OXR1: variants seen among roughly 807,000 people sequenced by gnomAD.
OXR1 encodes oxidation resistance 1, also known as oxidation resistance protein 1.
Under a neutral mutation model 104.6 loss-of-function variants are expected in OXR1, and 41 were observed. The observed-to-expected ratio is 0.39, with a 90% CI of 0.31 to 0.51. The LOEUF is 0.51. Ranked by LOEUF, OXR1 falls within the 20% of genes least tolerant of loss-of-function variation. The probability of loss-of-function intolerance (pLI) is 0.77; values close to 1 mark genes in which losing one functional copy is unlikely to be tolerated. For missense variants in OXR1, 955 were observed against 1,031.9 expected, an observed-to-expected ratio of 0.93 and a Z score of 1.02; for synonymous variants, 348 against 348.4, an observed-to-expected ratio of 1.00 and a Z score of 0.01.
At chr8:106,626,790 T>C (rs569927817) in intron 3 of OXR1, among the ~76,000 whole-genome samples, 6 of 151,274 alleles carry the variant, frequency 4.0e-5, no homozygotes, top group Non-Finnish European at 8.9e-5. Flanking sequence ...GTGGTTATTA[T>C]TCACTAGCGT....
chr8:106,441,226 G>T (rs1819768151), intron 2 of OXR1, among the ~76,000 whole-genome samples: 1 of 152,048 alleles, frequency 6.6e-6, no homozygotes, highest in South Asian at 2.1e-4. Context: ...GATGGTTGTA[G>T]ATGTATGGTA....
At chr8:106,707,304 G>A in intron 9 of OXR1, 159 bp downstream of exon 9, 2 of 697,490 alleles carry the variant, frequency 2.9e-6, no homozygotes, top group South Asian at 1.6e-5. Context: ...ACAGTCTCCA[G>A]TGTCTACTGT....
intron 3 of OXR1, among the ~76,000 whole-genome samples, chr8:106,602,665 A>T (rs1332624391): frequency 6.6e-6 from 1 of 152,210 alleles, no homozygotes; most frequent in Non-Finnish European, 1.5e-5. Context: ...CTTCATATAC[A>T]TATGTATGTG....
chr8:106,437,464 C>G (rs1303613210), intron 2 of OXR1, among the ~76,000 whole-genome samples: 2 of 152,170 alleles, frequency 1.3e-5, no homozygotes, highest in Non-Finnish European at 2.9e-5. Flanking sequence ...ACCAATGCAA[C>G]TGGTCTTTAT....
chr8:106,595,514 C>A (rs898521839), intron 3 of OXR1, among the ~76,000 whole-genome samples: 1 of 138,680 alleles, frequency 7.2e-6, no homozygotes, highest in African/African-American at 2.8e-5. Flanking sequence ...TGCACCACTG[C>A]ACTCCAGCCT....
At chr8:106,469,226 C>CT in intron 2 of OXR1, among the ~76,000 whole-genome samples, 1 of 151,832 alleles carries the variant, frequency 6.6e-6, no homozygotes, top group South Asian at 2.1e-4. Flanking sequence ...TGCCTATAGA[C>CT]TTTCTCTGCT....
chr8:106,306,743 G>A (rs567219941), intron 1 of OXR1, among the ~76,000 whole-genome samples: 18 of 152,172 alleles, frequency 1.2e-4, no homozygotes, highest in Non-Finnish European at 2.4e-4. Flanking sequence ...AAAAGGGAAA[G>A]CAAGAGAACT....
At chr8:106,553,320 C>CTTT (rs5893797) in intron 3 of OXR1, among the ~76,000 whole-genome samples, 1 of 142,888 alleles carries the variant, frequency 7.0e-6, no homozygotes, top group Non-Finnish European at 1.5e-5. Context: ...CAATTTTCTT[C>CTTT]TTTTTTTTTT....
intron 3 of OXR1, among the ~76,000 whole-genome samples, chr8:106,528,251 T>G (rs1047794240): frequency 1.3e-5 from 2 of 152,214 alleles, no homozygotes; most frequent in African/African-American, 4.8e-5. Context: ...TTTGTTTAAG[T>G]CTGTTCTTTT....
At chr8:106,567,846 G>A (rs573559928) in intron 3 of OXR1, among the ~76,000 whole-genome samples, 10 of 152,178 alleles carry the variant, frequency 6.6e-5, no homozygotes, top group East Asian at 1.9e-4. Flanking sequence ...TGCATGAAGC[G>A]ATCTATCTGG....
intron 2 of OXR1, chr8:106,447,985 C>A (rs1820090984): frequency 6.5e-7 from 1 of 1,534,022 alleles, no homozygotes. Context: ...GCCCCGGCTC[C>A]CACACAGCTA....
chr8:106,551,628 A>G (rs897842205), intron 3 of OXR1, among the ~76,000 whole-genome samples: 3 of 151,778 alleles, frequency 2.0e-5, no homozygotes, highest in Non-Finnish European at 4.4e-5. Flanking sequence ...TCTGCTAACT[A>G]AATTTTTAAG....
intron 3 of OXR1, among the ~76,000 whole-genome samples, chr8:106,523,454 A>G (rs756184845): frequency 6.6e-6 from 1 of 152,170 alleles, no homozygotes; most frequent in Non-Finnish European, 1.5e-5. Context: ...ATACCAATAT[A>G]TCTCAGATGA....
intron 3 of OXR1, among the ~76,000 whole-genome samples, chr8:106,582,793 A>G (rs1428471491): frequency 6.6e-6 from 1 of 152,204 alleles, no homozygotes; most frequent in Non-Finnish European, 1.5e-5. Context: ...TTATAAAATA[A>G]TAAGACTTTG....
chr8:106,737,578 G>C lies in OXR1; in HGVS notation c.2015G>C (p.Arg672Pro). 1 of 1,422,664 alleles carries C rather than the reference G, an allele frequency of 7.0e-7. No homozygotes were observed. The highest frequency in any genetic ancestry group is 9.3e-7 in the Non-Finnish European group (1 of 1,080,548). The allele number at this position is 1,422,664 out of a possible 1,614,324, so 88.1% of individuals were successfully genotyped here. The change falls in exon 12 of 17, where the codon CGC becomes CCC. Residue 672 changes from arginine (R) to proline (P), a missense_variant. Physicochemically the swap from Arg to Pro is moderately radical, Grantham distance 103. This residue lies in a region of OXR1 where 849 missense variants were observed against 852.9 expected (regional missense o/e 1.00). Coordinates refer to ENST00000517566, the MANE Select transcript of OXR1 (RefSeq NM_001198533.2). Reference sequence around the variant, plus strand: ...GATGCTCTAAATACTGAAGAACTGCGCACACTCTGCAGACGCCTCCAGGTG... The same window carrying C: ...GATGCTCTAAATACTGAAGAACTGCCCACACTCTGCAGACGCCTCCAGGTG... ...RIDALNTEEL[R>P]TLCRRLQITT...
chr8:106,475,390 T>C (rs1821745866), intron 2 of OXR1, among the ~76,000 whole-genome samples: 1 of 151,944 alleles, frequency 6.6e-6, no homozygotes, highest in African/African-American at 2.4e-5. Flanking sequence ...TCTTCATCCT[T>C]GTCTTCACAT....
At chr8:106,324,188 T>C (rs1373313082) in intron 1 of OXR1, among the ~76,000 whole-genome samples, 1 of 152,132 alleles carries the variant, frequency 6.6e-6, no homozygotes, top group African/African-American at 2.4e-5. Context: ...TCATAAAAAA[T>C]AGTGAGATCA....
chr8:106,357,230 T>C (rs1162039882), intron 1 of OXR1, among the ~76,000 whole-genome samples: 3 of 147,488 alleles, frequency 2.0e-5, no homozygotes, highest in Admixed American at 1.4e-4. Flanking sequence ...ATATATATGC[T>C]TTTTTTTTTG....
chr8:106,443,832 A>C (rs1819895188), intron 2 of OXR1, among the ~76,000 whole-genome samples: 1 of 152,194 alleles, frequency 6.6e-6, no homozygotes, highest in Admixed American at 6.5e-5. Context: ...CAAAAGCCAA[A>C]ATTGACAAAT....
Sources: allele counts gnomAD v4.1 joint callset (sites outside exome capture counted in the v4.1 genomes callset), GRCh38; gene constraint gnomAD v4.1.1; regional missense constraint gnomAD v4.1.1; transcripts MANE v1.5; gene names NCBI Gene and HGNC (gene_info 2026-07-23, HGNC 2026-07-21).